KLHL13: variants seen among roughly 807,000 people sequenced by gnomAD.
KLHL13 encodes the protein kelch like family member 13.
A neutral mutation model predicts 37.1 loss-of-function variants in KLHL13; 10 were observed. The observed-to-expected ratio is 0.27, with a 90% CI of 0.17 to 0.46. KLHL13 has a LOEUF of 0.46. Among genes scored for constraint, KLHL13 ranks in the 20% least tolerant of loss-of-function variants. The probability of loss-of-function intolerance (pLI) is 1.00; values close to 1 mark genes in which losing one functional copy is unlikely to be tolerated. For synonymous variants in KLHL13, 163 were observed against 181.2 expected (o/e 0.90, Z 0.81); for missense variants, 360 against 509.3 (o/e 0.71, Z 2.82).
chrX:117,996,028 T>C (rs1476957703), intron 1 of KLHL13, among the ~76,000 whole-genome samples: 1 of 111,410 alleles, frequency 9.0e-6, no homozygotes, highest in Non-Finnish European at 1.9e-5. Flanking sequence ...TAGGAGTTTC[T>C]GAATTTCTGG....
In KLHL13 at chrX:117,926,549, A is replaced by G. The variant is rs372699696; in HGVS notation, c.241-6179T>C. ...TCAAACCATGAGTGGAAACCTTACA[A>G]GGCTGGGGTTTTAAGCATCTGCCAC... is the stretch of plus-strand genomic sequence containing the variant. On this transcript the variant is annotated intron_variant, in intron 2 of 6. Transcript: ENST00000262820. Among the ~76,000 whole-genome samples the G allele has an allele frequency of 2.5e-4, 28 of 111,720 alleles. No homozygotes were observed. In the East Asian group the frequency reaches 3.7e-3, roughly 15 times the overall value.
intron 1 of KLHL13, among the ~76,000 whole-genome samples, chrX:118,038,430 A>G (rs1170516146): frequency 8.9e-6 from 1 of 112,030 alleles, no homozygotes; most frequent in Non-Finnish European, 1.9e-5. Context: ...TTAATCGCCT[A>G]CATCACCACC....
rs761259800 is a variant in KLHL13 at position 118,015,727 on chromosome X, AT to A, written c.-55-70153del. On this transcript the variant is annotated intron_variant, in intron 1 of 6. Coordinates refer to the KLHL13 transcript ENST00000371882. ...CAACTCTTCAGTTATAGGAACAAAT[AT>A]GGTGATAAATTTCATGTGCGTCTAC... Among the ~76,000 whole-genome samples the A allele has an allele frequency of 3.6e-5, 4 of 111,855 alleles. No individual in the cohort carries two copies. The East Asian group carries it at 1.1e-3, about 31-fold the overall frequency.
chrX:118,084,797 C>T (rs996498360), intron 1 of KLHL13, among the ~76,000 whole-genome samples: 2 of 111,064 alleles, frequency 1.8e-5, no homozygotes, highest in Non-Finnish European at 3.8e-5. Flanking sequence ...AAGGCCGAGG[C>T]GGATGGATCA....
intron 6 of KLHL13, among the ~76,000 whole-genome samples, chrX:117,900,601 A>G (rs1930023755): frequency 1.8e-5 from 2 of 111,963 alleles, no homozygotes; most frequent in South Asian, 3.7e-4. Context: ...TTGCTCATGA[A>G]TTTAACACCA....
chrX:118,006,031 C>T (rs943985991), intron 1 of KLHL13, among the ~76,000 whole-genome samples: 1 of 111,731 alleles, frequency 9.0e-6, no homozygotes, highest in Admixed American at 9.5e-5. Flanking sequence ...CCATATAATA[C>T]ATCAGAATTG....
At position 117,901,949 on chromosome X, in the gene KLHL13, GT is replaced by G; in HGVS notation, c.1367-4del. ...TGGATTGTAACATTCTACTGTGGCT[GT>G]TAAAAAAAAAAAGAAAAGAAAATTA... On this transcript the variant is annotated splice_polypyrimidine_tract_variant and splice_region_variant and intron_variant, in intron 5 of 6. Coordinates refer to ENST00000262820, the Ensembl canonical transcript of KLHL13. 1 of 995,551 alleles carries G rather than the reference GT, an allele frequency of 1.0e-6. No individual in the cohort carries two copies. The highest frequency in any genetic ancestry group is 1.4e-6 in the Non-Finnish European group (1 of 725,194). The allele number at this position is 995,551 out of a possible 1,213,427, so 82.0% of individuals were successfully genotyped here.
chrX:118,051,266 T>C lies in KLHL13; in HGVS notation c.-56+65242A>G, dbSNP rs186949160. 1.5e-3 allele frequency among the ~76,000 whole-genome samples: 159 copies of C among 109,190 alleles called. 2 individuals are homozygous for C. Among genetic ancestry groups the C allele is most frequent in the African/African-American group, 5.1e-3 (154 of 30,061 alleles). 94.8% of individuals were successfully genotyped at this position (109,190 alleles called of 115,157 possible). A position where few individuals can be genotyped will look rare whatever the true frequency, so the allele number is the denominator to read the frequency against. On this transcript the variant is annotated intron_variant, in intron 1 of 6. Transcript: ENST00000371882. ...ATGAAAAATAAAATTTATGGCCGGG[T>C]ACGGTGGCTCACACCTGTAATCCCA...
chrX:117,932,886 C>T (rs6646003), intron 2 of KLHL13, among the ~76,000 whole-genome samples: 18,370 of 110,656 alleles, frequency 0.17, 2,079 homozygotes, highest in African/African-American at 0.41. Flanking sequence ...TTATATTTTG[C>T]CTTTTTTATA....
chrX:117,952,935 A>G (rs1380411193), intron 1 of KLHL13, among the ~76,000 whole-genome samples: 26 of 110,503 alleles, frequency 2.4e-4, no homozygotes, highest in East Asian at 8.7e-4. Context: ...GGAGAAATAG[A>G]AACACTTTTA....
intron 1 of KLHL13, among the ~76,000 whole-genome samples, chrX:118,039,942 G>C (rs1173310513): frequency 9.0e-6 from 1 of 111,306 alleles, no homozygotes; most frequent in African/African-American, 3.3e-5. Context: ...GAGAACAAGG[G>C]TCTCTGCCTG....
chrX:117,997,421 T>C (rs1470647673), intron 1 of KLHL13, among the ~76,000 whole-genome samples: 1 of 112,053 alleles, frequency 8.9e-6, no homozygotes, highest in East Asian at 2.8e-4. Context: ...TAATGTTCTA[T>C]CTTGTAGATT....
intron 1 of KLHL13, among the ~76,000 whole-genome samples, chrX:118,092,778 C>A (rs951658136): frequency 1.8e-5 from 2 of 111,323 alleles, no homozygotes; most frequent in African/African-American, 6.5e-5. Flanking sequence ...GAACTATATA[C>A]ACACATTGTA....
At chrX:117,918,321 AGT>A (rs1467226857) in intron 4 of KLHL13, among the ~76,000 whole-genome samples, 2 of 111,653 alleles carry the variant, frequency 1.8e-5, no homozygotes, top group African/African-American at 6.5e-5. Context: ...CTTTTAAGAT[AGT>A]TAAGTACCTT....
At chrX:118,003,151 T>C (rs767895280) in intron 1 of KLHL13, among the ~76,000 whole-genome samples, 2 of 112,735 alleles carry the variant, frequency 1.8e-5, no homozygotes, top group South Asian at 7.3e-4. Context: ...TGAACTCATG[T>C]TCCTAACCCT....
chrX:118,076,582 T>C (rs2054930699), intron 1 of KLHL13, among the ~76,000 whole-genome samples: 1 of 111,797 alleles, frequency 8.9e-6, no homozygotes, highest in African/African-American at 3.2e-5. Context: ...GGTTAATTTA[T>C]GTGTCAACAT....
chrX:117,952,944 T>C (rs1294272451), intron 1 of KLHL13, among the ~76,000 whole-genome samples: 2 of 111,037 alleles, frequency 1.8e-5, no homozygotes, highest in African/African-American at 6.6e-5. Flanking sequence ...GAAACACTTT[T>C]ACACTGTTGG....
At chrX:118,064,577 T>C (rs1164574273) in intron 1 of KLHL13, among the ~76,000 whole-genome samples, 1 of 112,022 alleles carries the variant, frequency 8.9e-6, no homozygotes, top group African/African-American at 3.2e-5. Context: ...TATGGAGAAA[T>C]GATTATCATA....
chrX:117,939,386 G>A (rs991563374), intron 2 of KLHL13, among the ~76,000 whole-genome samples: 1 of 112,133 alleles, frequency 8.9e-6, no homozygotes, highest in Non-Finnish European at 1.9e-5. Flanking sequence ...TGTGAACAGT[G>A]CTGCAATAAA....
Sources: allele counts gnomAD v4.1 joint callset (sites outside exome capture counted in the v4.1 genomes callset), GRCh38; gene constraint gnomAD v4.1.1; transcripts MANE v1.5; gene names NCBI Gene and HGNC (gene_info 2026-07-23, HGNC 2026-07-21).